CCDC30: variants seen among roughly 807,000 people sequenced by gnomAD.
CCDC30 encodes coiled-coil domain-containing protein 30.
A neutral mutation model predicts 100.2 loss-of-function variants in CCDC30; 70 were observed. The ratio of observed to expected loss-of-function variants is 0.70; its 90% CI spans 0.58 to 0.85. CCDC30 has a LOEUF of 0.85. Among genes scored for constraint, CCDC30 ranks in the 40% least tolerant of loss-of-function variants. The pLI, the probability that CCDC30 is intolerant of heterozygous loss-of-function variation, is 0.00. For missense variants in CCDC30, 652 were observed against 771.2 expected (o/e 0.85, Z 1.83); for synonymous variants, 233 against 269.5 (o/e 0.86, Z 1.33).
intron 1 of CCDC30, among the ~76,000 whole-genome samples, chr1:42,469,350 T>A (rs1260172639): frequency 1.3e-5 from 2 of 152,170 alleles, no homozygotes; most frequent in African/African-American, 2.4e-5. Flanking sequence ...GCATTTTGAG[T>A]TCATTGTTGA....
intron 6 of CCDC30, among the ~76,000 whole-genome samples, chr1:42,548,031 G>C (rs1311137367): frequency 5.9e-5 from 9 of 152,180 alleles, no homozygotes; most frequent in Admixed American, 4.6e-4. Context: ...ATAATTTTCA[G>C]GGGAGATATG....
intron 12 of CCDC30, among the ~76,000 whole-genome samples, chr1:42,638,572 AAAAAG>A (rs1557483521): frequency 6.6e-6 from 1 of 151,212 alleles, no homozygotes; most frequent in Non-Finnish European, 1.5e-5. Flanking sequence ...AAAAAAAAAA[AAAAAG>A]AAAAGAAAAG....
intron 6 of CCDC30, among the ~76,000 whole-genome samples, chr1:42,514,923 G>T (rs1234846253): frequency 1.3e-5 from 2 of 151,572 alleles, no homozygotes; most frequent in Non-Finnish European, 2.9e-5. Context: ...AAAGTGCTGG[G>T]ATTACAGGCA....
In CCDC30 at chr1:42,590,595, G is replaced by A. The variant is rs557762294; in HGVS notation, c.1164+1112G>A. The stretch of plus-strand genomic sequence containing the variant: ...GTCTCAACAAAAAAATAATTAGCCA[G>A]ATATGGTGGCATGGACCTGTAGTAC... On this transcript the variant is annotated intron_variant, in intron 10 of 16. Coordinates refer to ENST00000668663, the Ensembl canonical transcript of CCDC30. The A allele has an allele frequency of 4.6e-5, 7 of 152,284 alleles. No homozygotes were observed. In the East Asian group the frequency reaches 1.2e-3, roughly 25 times the overall value. 9.4% of individuals were successfully genotyped at this position (152,284 alleles called of 1,614,324 possible).
At chr1:42,563,220 A>G (rs993561199) in intron 6 of CCDC30, among the ~76,000 whole-genome samples, 1 of 152,218 alleles carries the variant, frequency 6.6e-6, no homozygotes, top group Non-Finnish European at 1.5e-5. Context: ...CCCATCAGTG[A>G]TAGATTGGAT....
intron 1 of CCDC30, among the ~76,000 whole-genome samples, chr1:42,478,365 A>T (rs897394549): frequency 6.6e-6 from 1 of 152,232 alleles, no homozygotes; most frequent in Non-Finnish European, 1.5e-5. Context: ...GAATCTATCA[A>T]ACAAATTGAG....
chr1:42,578,768 T>C (rs1645897205), intron 8 of CCDC30, among the ~76,000 whole-genome samples: 1 of 152,162 alleles, frequency 6.6e-6, no homozygotes, highest in Non-Finnish European at 1.5e-5. Flanking sequence ...AATATAGTCA[T>C]GTTCATAATA....
intron 6 of CCDC30, among the ~76,000 whole-genome samples, chr1:42,559,662 C>A (rs530676550): frequency 6.6e-6 from 1 of 152,266 alleles, no homozygotes; most frequent in East Asian, 1.9e-4. Context: ...TAGAGACCTA[C>A]AAAGAGACTT....
chr1:42,539,150 A>G, intron 6 of CCDC30, 23 bp from the exon 8 acceptor site: 1 of 1,530,324 alleles, frequency 6.5e-7, no homozygotes, highest in Non-Finnish European at 8.9e-7. Context: ...TTATTCTACT[A>G]AATGTCTTCA....
intron 6 of CCDC30, among the ~76,000 whole-genome samples, chr1:42,516,638 C>T (rs1392409467): frequency 6.7e-6 from 1 of 150,216 alleles, no homozygotes; most frequent in African/African-American, 2.4e-5. Flanking sequence ...TTTCCACGTG[C>T]TCTTCTTGCT....
intron 10 of CCDC30, among the ~76,000 whole-genome samples, chr1:42,607,989 C>T (rs559267115): frequency 6.6e-6 from 1 of 152,290 alleles, no homozygotes; most frequent in South Asian, 2.1e-4. Flanking sequence ...TCTACTTGCC[C>T]CCAAACACCA....
chr1:42,647,107 T>A (rs114206751), intron 15 of CCDC30, among the ~76,000 whole-genome samples: 2,206 of 150,756 alleles, frequency 0.015, 62 homozygotes, highest in African/African-American at 0.052. Flanking sequence ...CTCAAAAAAA[T>A]AAATAAATAA....
chr1:42,606,936 G>A (rs946942478), intron 10 of CCDC30, among the ~76,000 whole-genome samples: 2 of 152,188 alleles, frequency 1.3e-5, no homozygotes, highest in South Asian at 2.1e-4. Context: ...GCTAGCAGGC[G>A]TAAAAACCAT....
At chr1:42,638,573 A>G (rs1570324016) in intron 12 of CCDC30, among the ~76,000 whole-genome samples, 1 of 150,926 alleles carries the variant, frequency 6.6e-6, no homozygotes, top group South Asian at 2.1e-4. Flanking sequence ...AAAAAAAAAA[A>G]AAAGAAAAGA....
intron 10 of CCDC30, chr1:42,591,274 G>A (rs1441999743): frequency 6.6e-6 from 1 of 152,286 alleles, no homozygotes; most frequent in East Asian, 1.9e-4. Context: ...AGAACTTGGA[G>A]ACAGCCCCTA....
intron 11 of CCDC30, among the ~76,000 whole-genome samples, chr1:42,623,224 T>C (rs1482973327): frequency 6.6e-6 from 1 of 152,060 alleles, no homozygotes; most frequent in Non-Finnish European, 1.5e-5. Flanking sequence ...GTGCAGAAGA[T>C]TTTTTTTAAC....
upstream of CCDC30, among the ~76,000 whole-genome samples, chr1:42,461,637 C>A (rs111409266): frequency 1.9e-3 from 291 of 151,316 alleles, no homozygotes; most frequent in African/African-American, 6.7e-3. Flanking sequence ...AGCTCTGCCT[C>A]CCGGGTTCAC....
At chr1:42,460,049 G>C, upstream of CCDC30, 1 of 1,426,482 alleles carries the variant, frequency 7.0e-7, no homozygotes, top group Non-Finnish European at 9.1e-7. Context: ...GCAGTGGTGT[G>C]TAGGCAAATA....
intron 11 of CCDC30, among the ~76,000 whole-genome samples, chr1:42,619,643 A>G (rs994839624): frequency 6.6e-6 from 1 of 152,204 alleles, no homozygotes; most frequent in Admixed American, 6.5e-5. Context: ...CACAGGTATT[A>G]TAGCAGCCCT....
Sources: allele counts gnomAD v4.1 joint callset (sites outside exome capture counted in the v4.1 genomes callset), GRCh38; gene constraint gnomAD v4.1.1; transcripts MANE v1.5; gene names NCBI Gene and HGNC (gene_info 2026-07-23, HGNC 2026-07-21).